The following AGBL4 variants were observed in gnomAD, a reference collection of about 807,000 sequenced individuals.
AGBL4 encodes the protein cytosolic carboxypeptidase 6.
AGBL4 carries 58 observed loss-of-function variants against 66.4 expected under a neutral mutation model. The ratio of observed to expected loss-of-function variants is 0.87; its 90% CI spans 0.71 to 1.09. The LOEUF (loss-of-function observed/expected upper bound fraction) is 1.09. AGBL4 is among the 50% of genes least tolerant of loss of function. The pLI is 0.00. For synonymous variants in AGBL4, 234 were observed against 222.9 expected (o/e 1.05, Z -0.44); for missense variants, 579 against 631.0 (o/e 0.92, Z 0.88).
intron 5 of AGBL4, among the ~76,000 whole-genome samples, chr1:48,908,900 GC>G: frequency 6.8e-6 from 1 of 146,328 alleles, no homozygotes; most frequent in East Asian, 2.1e-4. Context: ...TCCTATATAG[GC>G]AAAGCAGAAC....
At chr1:48,633,359 A>G (rs1221497813) in intron 9 of AGBL4, among the ~76,000 whole-genome samples, 1 of 152,212 alleles carries the variant, frequency 6.6e-6, no homozygotes, top group Non-Finnish European at 1.5e-5. Flanking sequence ...GGTAAGTAGA[A>G]TGGGTTACAT....
At chr1:48,829,944 G>A (rs756046514) in intron 6 of AGBL4, among the ~76,000 whole-genome samples, 2 of 152,100 alleles carry the variant, frequency 1.3e-5, no homozygotes, top group Non-Finnish European at 2.9e-5. Context: ...TAGTGCAAAG[G>A]AAAAAGAGAG....
At chr1:48,791,811 C>T (rs184203942) in intron 6 of AGBL4, among the ~76,000 whole-genome samples, 1 of 152,126 alleles carries the variant, frequency 6.6e-6, no homozygotes, top group Non-Finnish European at 1.5e-5. Context: ...GTTCATAAAA[C>T]ATAAAAAAAA....
chr1:49,815,817 T>C (rs1354334200), intron 2 of AGBL4, among the ~76,000 whole-genome samples: 1 of 152,186 alleles, frequency 6.6e-6, no homozygotes, highest in Non-Finnish European at 1.5e-5. Context: ...ATGTCTTCTT[T>C]TGAGAAATGT....
intron 3 of AGBL4, among the ~76,000 whole-genome samples, chr1:49,661,498 C>G (rs533560355): frequency 1.3e-5 from 2 of 152,266 alleles, no homozygotes; most frequent in South Asian, 4.1e-4. Flanking sequence ...CTCGCTCTTG[C>G]ACCCTCTCTG....
intron 4 of AGBL4, among the ~76,000 whole-genome samples, chr1:49,165,626 G>C (rs940741925): frequency 1.3e-5 from 2 of 151,310 alleles, no homozygotes; most frequent in Non-Finnish European, 2.9e-5. Flanking sequence ...CAGAAGAACA[G>C]ACAAGAAAGG....
At chr1:49,507,435 T>A (rs906945191) in intron 3 of AGBL4, among the ~76,000 whole-genome samples, 1 of 152,072 alleles carries the variant, frequency 6.6e-6, no homozygotes, top group Non-Finnish European at 1.5e-5. Context: ...ACACTCCTGT[T>A]AGAAATCTGT....
intron 5 of AGBL4, among the ~76,000 whole-genome samples, chr1:49,034,149 C>T (rs534500712): frequency 6.6e-6 from 1 of 152,220 alleles, no homozygotes; most frequent in South Asian, 2.1e-4. Flanking sequence ...TCTCATTCAT[C>T]ATACCATTAA....
chr1:49,395,789 GTA>G (rs1271018165), intron 3 of AGBL4, among the ~76,000 whole-genome samples: 3 of 121,344 alleles, frequency 2.5e-5, no homozygotes, highest in Non-Finnish European at 3.4e-5. Context: ...GTGTATATAT[GTA>G]TATATATACA....
At chr1:48,761,438 G>T in intron 6 of AGBL4, 1 of 1,551,100 alleles carries the variant, frequency 6.4e-7, no homozygotes, top group Non-Finnish European at 8.7e-7. Flanking sequence ...ATTTTCTTCT[G>T]CATCACACTG....
chr1:49,552,459 G>A (rs1377783384), intron 3 of AGBL4, among the ~76,000 whole-genome samples: 1 of 152,196 alleles, frequency 6.6e-6, no homozygotes, highest in Non-Finnish European at 1.5e-5. Flanking sequence ...TGGGGACCCA[G>A]CGAGCTCCCA....
intron 2 of AGBL4, among the ~76,000 whole-genome samples, chr1:49,729,905 T>A (rs1311111792): frequency 6.6e-6 from 1 of 152,000 alleles, no homozygotes; most frequent in Non-Finnish European, 1.5e-5. Flanking sequence ...AAAAGACAAT[T>A]TAAAGCCTGA....
chr1:49,344,320 A>G (rs1387499501), intron 3 of AGBL4, among the ~76,000 whole-genome samples: 2 of 149,144 alleles, frequency 1.3e-5, no homozygotes, highest in Non-Finnish European at 3.0e-5. Context: ...ATAATAAAAG[A>G]AAAAAAAAAG....
chr1:49,318,868 G>A (rs1645084690), intron 3 of AGBL4, among the ~76,000 whole-genome samples: 1 of 152,056 alleles, frequency 6.6e-6, no homozygotes, highest in African/African-American at 2.4e-5. Context: ...TACAGAAAAT[G>A]AATTTTTCCT....
intron 3 of AGBL4, among the ~76,000 whole-genome samples, chr1:49,679,204 AC>A (rs1213198440): frequency 6.6e-6 from 1 of 152,130 alleles, no homozygotes; most frequent in Admixed American, 6.5e-5. Context: ...TGCTTCAAAT[AC>A]TTTTCAGCTT....
At chr1:49,471,609 T>C (rs567291961) in intron 3 of AGBL4, among the ~76,000 whole-genome samples, 64 of 151,890 alleles carry the variant, frequency 4.2e-4, no homozygotes, top group African/African-American at 1.5e-3. Context: ...GATGCAAGAA[T>C]GGGTACTACA....
intron 3 of AGBL4, among the ~76,000 whole-genome samples, chr1:49,384,772 A>G (rs893565370): frequency 5.9e-5 from 9 of 152,160 alleles, no homozygotes; most frequent in African/African-American, 2.2e-4. Flanking sequence ...GAATGTGGAG[A>G]AATTGGAAAC....
chr1:48,890,699 T>C (rs922533850), intron 5 of AGBL4, among the ~76,000 whole-genome samples: 1 of 152,142 alleles, frequency 6.6e-6, no homozygotes, highest in African/African-American at 2.4e-5. Context: ...ATTTCCCAAA[T>C]AGAGAAGGGA....
chr1:49,134,760 G>A (rs886283613), intron 4 of AGBL4, among the ~76,000 whole-genome samples: 1 of 151,860 alleles, frequency 6.6e-6, no homozygotes, highest in African/African-American at 2.4e-5. Flanking sequence ...ATCATCACAG[G>A]GTCCTGAGGT....
Sources: allele counts gnomAD v4.1 joint callset (sites outside exome capture counted in the v4.1 genomes callset), GRCh38; gene constraint gnomAD v4.1.1; transcripts MANE v1.5; gene names NCBI Gene and HGNC (gene_info 2026-07-23, HGNC 2026-07-21).